FAM135B: variants seen among roughly 807,000 people sequenced by gnomAD.
The protein encoded by FAM135B is protein FAM135B.
FAM135B carries 43 observed loss-of-function variants against 127.7 expected under a neutral mutation model. That is an observed-to-expected ratio of 0.34 (90% CI 0.26 to 0.43). The LOEUF (loss-of-function observed/expected upper bound fraction) is 0.43. Ranked by LOEUF, FAM135B falls within the 20% of genes least tolerant of loss-of-function variation. FAM135B has a pLI of 1.00. For missense variants in FAM135B, 1,558 were observed against 1,725.6 expected (o/e 0.90, Z 1.72); for synonymous variants, 670 against 665.1 (o/e 1.01, Z -0.11).
intron 12 of FAM135B, among the ~76,000 whole-genome samples, chr8:138,159,327 C>T (rs187977282): frequency 1.9e-4 from 28 of 146,726 alleles, no homozygotes; most frequent in Admixed American, 4.8e-4. Flanking sequence ...CGGCACTATT[C>T]GCAATAGGAA....
chr8:138,192,190 A>G (rs1381223015), intron 9 of FAM135B, among the ~76,000 whole-genome samples: 2 of 152,264 alleles, frequency 1.3e-5, no homozygotes, highest in Admixed American at 6.5e-5. Flanking sequence ...AAAGGCATCA[A>G]TGAAACCACC....
At chr8:138,323,947 T>C (rs1827626700) in intron 2 of FAM135B, among the ~76,000 whole-genome samples, 1 of 152,246 alleles carries the variant, frequency 6.6e-6, no homozygotes, top group Admixed American at 6.5e-5. Flanking sequence ...TGTCTTCATG[T>C]GGCTGAACCT....
At chr8:138,491,231 C>T (rs1422674468) in intron 1 of FAM135B, among the ~76,000 whole-genome samples, 1 of 151,252 alleles carries the variant, frequency 6.6e-6, no homozygotes, top group South Asian at 2.1e-4. Context: ...AAAGCTATAT[C>T]ATCAATTAAA....
chr8:138,281,064 A>G (rs1309206906), intron 3 of FAM135B, among the ~76,000 whole-genome samples: 3 of 152,118 alleles, frequency 2.0e-5, no homozygotes, highest in Admixed American at 6.5e-5. Flanking sequence ...CTTCCACCCA[A>G]TTAGGTGATT....
intron 1 of FAM135B, among the ~76,000 whole-genome samples, chr8:138,382,917 G>T (rs1831948716): frequency 6.6e-6 from 1 of 152,192 alleles, no homozygotes. Flanking sequence ...GCCCCAGGAT[G>T]ATGGAGAGGA....
intron 12 of FAM135B, among the ~76,000 whole-genome samples, chr8:138,156,317 G>A (rs1175137352): frequency 6.6e-6 from 1 of 152,170 alleles, no homozygotes; most frequent in Non-Finnish European, 1.5e-5. Context: ...GAAATTCATA[G>A]CACTAAATGC....
intron 1 of FAM135B, among the ~76,000 whole-genome samples, chr8:138,491,604 C>T (rs928302325): frequency 2.6e-5 from 4 of 152,118 alleles, no homozygotes; most frequent in African/African-American, 9.7e-5. Flanking sequence ...CCTACGTTCA[C>T]TCATTCATTC....
intron 2 of FAM135B, among the ~76,000 whole-genome samples, chr8:138,342,899 C>T (rs1829152094): frequency 6.6e-6 from 1 of 152,218 alleles, no homozygotes; most frequent in South Asian, 2.1e-4. Context: ...CGTGTGCATC[C>T]AAACATGCAT....
intron 11 of FAM135B, among the ~76,000 whole-genome samples, chr8:138,176,117 C>T (rs1814440691): frequency 6.6e-6 from 1 of 152,220 alleles, no homozygotes; most frequent in Admixed American, 6.5e-5. Flanking sequence ...GGAACAGGGT[C>T]TTGAACCCAT....
intron 1 of FAM135B, among the ~76,000 whole-genome samples, chr8:138,446,154 A>C (rs1836145956): frequency 6.6e-6 from 1 of 152,184 alleles, no homozygotes; most frequent in African/African-American, 2.4e-5. Context: ...GAAATAAAAG[A>C]GGATACAAAC....
chr8:138,226,052 CTTA>C (rs1819401627), intron 7 of FAM135B, among the ~76,000 whole-genome samples: 1 of 151,752 alleles, frequency 6.6e-6, no homozygotes, highest in African/African-American at 2.4e-5. Context: ...AGGTGGATAA[CTTA>C]TTATTCTTAT....
chr8:138,221,249 GAGA>G (rs1215196330), intron 7 of FAM135B, among the ~76,000 whole-genome samples: 1 of 152,178 alleles, frequency 6.6e-6, no homozygotes, highest in Non-Finnish European at 1.5e-5. Flanking sequence ...ATGGAAGAAG[GAGA>G]AGGAGAAGCA....
rs1817132032 is a variant in FAM135B at position 138,141,379 on chromosome 8, G to GT, written c.3639-31dup. The GT allele has an allele frequency of 6.2e-7, 1 of 1,612,278 alleles. No individual in the cohort carries two copies. ...GGAGAAACAGAAGGGGTACCCATGA[G>GT]TGTGACGGTGAATGCTGCTGCCCAA... On this transcript the variant is annotated intron_variant, in intron 16 of 19. Coordinates refer to ENST00000395297, the MANE Select transcript of FAM135B (RefSeq NM_015912.4). The surrounding 1 kb of genome is among the most constrained non-coding windows in gnomAD (Gnocchi z 4.7).
In FAM135B at chr8:138,201,200, C is replaced by T. The variant is rs577843348; in HGVS notation, c.670-3531G>A. ...TCCTTAGAATCCCATTTTCAGGTCCCGCTACCTGCCACTGTCTCACCACCT... is the reference window on the plus strand; with the variant it reads ...TCCTTAGAATCCCATTTTCAGGTCCTGCTACCTGCCACTGTCTCACCACCT... On this transcript the variant is annotated intron_variant, in intron 7 of 19. Transcript: ENST00000395297. Among the ~76,000 whole-genome samples, 8 of 152,266 alleles carry T rather than the reference C, an allele frequency of 5.3e-5. 1 individual carries two copies. The highest frequency in any genetic ancestry group is 9.6e-5 in the African/African-American group (4 of 41,548).
intron 1 of FAM135B, among the ~76,000 whole-genome samples, chr8:138,387,355 C>T (rs1832279781): frequency 1.3e-5 from 2 of 152,152 alleles, no homozygotes; most frequent in South Asian, 2.1e-4. Flanking sequence ...AGTACACACG[C>T]CTCCTAGTGC....
intron 2 of FAM135B, among the ~76,000 whole-genome samples, chr8:138,337,059 C>G (rs1045585905): frequency 3.5e-4 from 53 of 150,608 alleles, no homozygotes; most frequent in Non-Finnish European, 6.2e-4. Flanking sequence ...ATTCAACAAC[C>G]CTTCATGCTA....
At chr8:138,422,005 T>C (rs781056124) in intron 1 of FAM135B, among the ~76,000 whole-genome samples, 72 of 151,412 alleles carry the variant, frequency 4.8e-4, no homozygotes, top group Non-Finnish European at 8.3e-4. Flanking sequence ...AAGTCAACAA[T>C]AACAAGCAAT....
In FAM135B at chr8:138,167,899, C is replaced by T. The variant is rs746092198; in HGVS notation, c.1254G>A (p.Ala418=). 15 of 1,609,230 alleles carry T rather than the reference C, an allele frequency of 9.3e-6. No individual in the cohort carries two copies. Among genetic ancestry groups the T allele is most frequent in the African/African-American group, 5.4e-5 (4 of 74,692 alleles). The change falls in exon 12 of 20, where the codon GCG becomes GCA. Residue 418 remains alanine, a synonymous_variant. Transcript: ENST00000395297. ...IFEDRYVDCP[A]TGHNLSVYPN... ...TCCAAAACAAAACAGACAAACCTGT[C>T]GCAGGGCAGTCCACGTATCTGTCCT...
At chr8:138,388,198 C>T (rs572288433) in intron 1 of FAM135B, among the ~76,000 whole-genome samples, 2 of 152,252 alleles carry the variant, frequency 1.3e-5, no homozygotes, top group South Asian at 4.2e-4. Flanking sequence ...CAATGAGACC[C>T]CACTACATGT....
Sources: allele counts gnomAD v4.1 joint callset (sites outside exome capture counted in the v4.1 genomes callset), GRCh38; gene constraint gnomAD v4.1.1; non-coding constraint Gnocchi (gnomAD v3.1); transcripts MANE v1.5; gene names NCBI Gene and HGNC (gene_info 2026-07-23, HGNC 2026-07-21).